The following SNTG2 variants were observed in gnomAD, a reference collection of about 807,000 sequenced individuals.
SNTG2 encodes gamma-2-syntrophin.
SNTG2 carries 74 observed loss-of-function variants against 70.9 expected under a neutral mutation model. The ratio of observed to expected loss-of-function variants is 1.04; its 90% CI spans 0.86 to 1.27. The LOEUF (loss-of-function observed/expected upper bound fraction) is 1.27, where lower values mean the gene tolerates loss of function less well. Ranked by LOEUF, SNTG2 falls within the 50% of genes most tolerant of loss-of-function variation. The probability of loss-of-function intolerance (pLI) is 0.00; values close to 1 mark genes in which losing one functional copy is unlikely to be tolerated. For missense variants in SNTG2, 717 were observed against 690.7 expected, an observed-to-expected ratio of 1.04 and a Z score of -0.43; for synonymous variants, 278 against 273.8, an observed-to-expected ratio of 1.02 and a Z score of -0.15.
chr2:1,103,378 T>TA (rs1665906844), intron 4 of SNTG2: 4 of 290,608 alleles, frequency 1.4e-5, no homozygotes, highest in African/African-American at 2.5e-5. Context: ...ATTATAAATT[T>TA]CTTTTTTTTT....
intron 16 of SNTG2, among the ~76,000 whole-genome samples, chr2:1,352,540 C>T (rs1358179784): frequency 2.0e-5 from 3 of 152,220 alleles, no homozygotes; most frequent in Non-Finnish European, 4.4e-5. Context: ...CAGGGTGGAG[C>T]CTGAGATTCT....
At chr2:1,051,260 T>A (rs2148079018) in intron 1 of SNTG2, among the ~76,000 whole-genome samples, 1 of 147,538 alleles carries the variant, frequency 6.8e-6, no homozygotes, top group African/African-American at 2.5e-5. Context: ...TGCAGTACCA[T>A]GCCGTATTGA....
At chr2:1,148,758 A>G (rs67483150) in intron 6 of SNTG2, among the ~76,000 whole-genome samples, 149,614 of 152,162 alleles carry the variant, frequency 0.98, 73,603 homozygotes, top group East Asian at 1. Flanking sequence ...TCCAAGCCGG[A>G]CCCACATAGA....
chr2:1,018,327 C>T (rs903787191), intron 1 of SNTG2, among the ~76,000 whole-genome samples: 4 of 152,156 alleles, frequency 2.6e-5, no homozygotes, highest in Non-Finnish European at 5.9e-5. Context: ...CGCTGGTGGT[C>T]AGAGGGTGTC....
intron 16 of SNTG2, among the ~76,000 whole-genome samples, chr2:1,325,916 C>T (rs1339587909): frequency 1.3e-5 from 2 of 152,078 alleles, no homozygotes; most frequent in African/African-American, 2.4e-5. Flanking sequence ...TCACCGCCAC[C>T]TCTGCCTCCC....
intron 1 of SNTG2, among the ~76,000 whole-genome samples, chr2:1,015,243 T>C (rs1415715416): frequency 3.3e-5 from 5 of 152,076 alleles, no homozygotes; most frequent in Non-Finnish European, 7.4e-5. Flanking sequence ...AGTAAATGGA[T>C]TCAAGAGCCT....
At chr2:1,281,379 G>A (rs370075744) in intron 14 of SNTG2, among the ~76,000 whole-genome samples, 69 of 49,844 alleles carry the variant, frequency 1.4e-3, no homozygotes, top group East Asian at 3.0e-3. Context: ...TATGGTGTAT[G>A]TGGTGTGTGG....
At chr2:1,168,654 G>A (rs1283320085) in intron 7 of SNTG2, among the ~76,000 whole-genome samples, 1 of 152,180 alleles carries the variant, frequency 6.6e-6, no homozygotes, top group Non-Finnish European at 1.5e-5. Flanking sequence ...ATCGATCACA[G>A]CAGGATAACT....
intron 4 of SNTG2, among the ~76,000 whole-genome samples, chr2:1,110,156 T>C (rs1666347408): frequency 6.6e-6 from 1 of 152,182 alleles, no homozygotes; most frequent in Non-Finnish European, 1.5e-5. Flanking sequence ...TTCAGGTCTC[T>C]GTGGCACAGC....
chr2:1,100,411 C>T (rs964074429), intron 4 of SNTG2, among the ~76,000 whole-genome samples: 1 of 152,206 alleles, frequency 6.6e-6, no homozygotes, highest in Admixed American at 6.5e-5. Context: ...TCCCAAAGTG[C>T]TGGGATTACA....
At chr2:1,208,602 G>A (rs1028793452) in intron 8 of SNTG2, among the ~76,000 whole-genome samples, 4 of 152,100 alleles carry the variant, frequency 2.6e-5, no homozygotes, top group African/African-American at 9.7e-5. Context: ...CAGACCCGAC[G>A]AGGCCTCACC....
intron 1 of SNTG2, among the ~76,000 whole-genome samples, chr2:1,031,528 A>ATATATATATATGTTTTTTTTTTT: frequency 1.7e-5 from 1 of 59,142 alleles, no homozygotes; most frequent in Admixed American, 2.1e-4. Context: ...ATATATATAT[A>ATATATATATATGTTTTTTTTTTT]TTTTTTTTTT....
chr2:974,948 C>G (rs1660861209), intron 1 of SNTG2, among the ~76,000 whole-genome samples: 1 of 152,122 alleles, frequency 6.6e-6, no homozygotes, highest in African/African-American at 2.4e-5. Context: ...TAATTTTCTG[C>G]CCTTGTATTT....
At chr2:1,159,147 G>T (rs890179718) in intron 6 of SNTG2, among the ~76,000 whole-genome samples, 1 of 13,432 alleles carries the variant, frequency 7.4e-5, no homozygotes, top group Non-Finnish European at 4.2e-4. Flanking sequence ...TGCATATGTG[G>T]GGGGGGTGTG....
At chr2:1,224,857 A>G (rs558389475) in intron 9 of SNTG2, among the ~76,000 whole-genome samples, 9 of 152,340 alleles carry the variant, frequency 5.9e-5, no homozygotes, top group South Asian at 2.1e-4. Flanking sequence ...AAGCCGTGAT[A>G]ACTCAGGTCA....
intron 9 of SNTG2, among the ~76,000 whole-genome samples, chr2:1,222,411 T>C (rs1468931233): frequency 6.6e-6 from 1 of 152,268 alleles, no homozygotes; most frequent in Admixed American, 6.5e-5. Context: ...GGAGATTTCA[T>C]AGGCTATCAG....
At chr2:960,664 A>G (rs939148320) in intron 1 of SNTG2, among the ~76,000 whole-genome samples, 1 of 143,428 alleles carries the variant, frequency 7.0e-6, no homozygotes, top group Non-Finnish European at 1.5e-5. Flanking sequence ...GGGTGCTCCT[A>G]CTGCCTGCTC....
intron 1 of SNTG2, among the ~76,000 whole-genome samples, chr2:1,010,760 G>T (rs1372314571): frequency 6.6e-6 from 1 of 152,170 alleles, no homozygotes; most frequent in African/African-American, 2.4e-5. Flanking sequence ...CGGAGCCATT[G>T]CTGACAGGGC....
chr2:1,180,932 A>G (rs1671843347), intron 8 of SNTG2, among the ~76,000 whole-genome samples: 3 of 152,146 alleles, frequency 2.0e-5, no homozygotes, highest in Non-Finnish European at 2.9e-5. Flanking sequence ...CATGGATGAA[A>G]TTGGAAATCA....
Sources: gnomAD v4.1 joint callset for allele counts (sites outside exome capture counted in the v4.1 genomes callset) on GRCh38, gnomAD v4.1.1 for gene constraint, MANE v1.5 for transcripts, NCBI Gene and HGNC (gene_info 2026-07-23, HGNC 2026-07-21) for gene names.